Variants in TLE1 observed in about 807,000 individuals in gnomAD.
TLE1 encodes the protein transducin-like enhancer protein 1.
A neutral mutation model predicts 89.8 loss-of-function variants in TLE1; 21 were observed. The observed-to-expected ratio is 0.23, with a 90% CI of 0.17 to 0.34. The LOEUF is 0.34. Among genes scored for constraint, TLE1 ranks in the 10% least tolerant of loss-of-function variants. The pLI, the probability that TLE1 is intolerant of heterozygous loss-of-function variation, is 1.00. For synonymous variants in TLE1, 447 were observed against 407.6 expected (o/e 1.10, Z -1.16); for missense variants, 795 against 1,031.2 (o/e 0.77, Z 3.14).
chr9:81,651,893 AG>A (rs532092834), intron 6 of TLE1, among the ~76,000 whole-genome samples: 151 of 152,220 alleles, frequency 9.9e-4, no homozygotes, highest in African/African-American at 3.6e-3. Context: ...CTAAGGCAGG[AG>A]GATCACTTGA....
chr9:81,626,000 C>T (rs1483439324), intron 8 of TLE1, among the ~76,000 whole-genome samples: 1 of 149,528 alleles, frequency 6.7e-6, no homozygotes, highest in Admixed American at 6.7e-5. Context: ...TTCATGAATC[C>T]TAAGACCTCC....
intron 4 of TLE1, among the ~76,000 whole-genome samples, chr9:81,663,370 C>G (rs1831060241): frequency 6.6e-6 from 1 of 152,134 alleles, no homozygotes; most frequent in African/African-American, 2.4e-5. Context: ...TATTCCCTGT[C>G]TAGTTCTTTC....
rs947759234 is a variant in TLE1 at position 81,628,345 on chromosome 9, G to A, written c.594+5003C>T. Among the ~76,000 whole-genome samples, 4 of 152,226 alleles carry A rather than the reference G, an allele frequency of 2.6e-5. No individual in the cohort carries two copies. The South Asian group carries it at 8.3e-4, about 32-fold the overall frequency. ...CCTGTGTAGCCAGAATTCCACTAAAGTCTGCCTTTGTACAAAACTCATGTT... is the reference window on the plus strand; with the variant it reads ...CCTGTGTAGCCAGAATTCCACTAAAATCTGCCTTTGTACAAAACTCATGTT... On this transcript the variant is annotated intron_variant, in intron 8 of 19. Coordinates refer to ENST00000376499, the MANE Select transcript of TLE1 (RefSeq NM_005077.5).
chr9:81,674,388 G>C (rs1832625492), intron 4 of TLE1, among the ~76,000 whole-genome samples: 1 of 152,152 alleles, frequency 6.6e-6, no homozygotes, highest in Admixed American at 6.5e-5. Context: ...CTATGCTCCT[G>C]AGGAGCAACC....
In TLE1 at chr9:81,652,172, G is replaced by A. The variant is rs770663932; in HGVS notation, c.372+42C>T. 2.5e-6 allele frequency: 4 copies of A among 1,578,660 alleles called. No homozygotes were observed. In the African/African-American group the frequency reaches 5.5e-5, roughly 22 times the overall value. On this transcript the variant is annotated intron_variant, in intron 6 of 19. Coordinates refer to ENST00000376499, the MANE Select transcript of TLE1 (RefSeq NM_005077.5). The stretch of plus-strand genomic sequence containing the variant: ...ATCAAATTAATAAGAAATGAAAGCT[G>A]GTTATACACACTGTAGGAGGTAGAC...
intron 8 of TLE1, chr9:81,620,984 A>C: frequency 2.2e-6 from 1 of 446,646 alleles, no homozygotes. Context: ...CACTCTAAAA[A>C]GGCACAAAGG....
At chr9:81,664,856 G>A (rs73647845) in intron 4 of TLE1, among the ~76,000 whole-genome samples, 2,956 of 152,270 alleles carry the variant, frequency 0.019, 110 homozygotes, top group African/African-American at 0.067. Flanking sequence ...GTTCCTGTTG[G>A]AGTCTAGGCC....
intron 4 of TLE1, 64 bp downstream of exon 4, chr9:81,685,612 G>A (rs1264522051): frequency 1.9e-6 from 3 of 1,551,346 alleles, no homozygotes; most frequent in East Asian, 2.2e-5. Context: ...TGAGAACAAA[G>A]CCAGTATTAT....
chr9:81,614,130 G>C (rs549590857), intron 11 of TLE1, among the ~76,000 whole-genome samples: 92 of 151,966 alleles, frequency 6.1e-4, no homozygotes, highest in Non-Finnish European at 1.3e-4. Context: ...GGATGGTCTC[G>C]ATCTCCTGAC....
chr9:81,647,112 A>G (rs1274768410), intron 6 of TLE1, among the ~76,000 whole-genome samples: 1 of 152,112 alleles, frequency 6.6e-6, no homozygotes, highest in Non-Finnish European at 1.5e-5. Context: ...AGGCATTACT[A>G]TGGGTAACTG....
intron 6 of TLE1, among the ~76,000 whole-genome samples, chr9:81,645,837 G>GCA (rs1283958200): frequency 3.3e-5 from 5 of 152,178 alleles, no homozygotes; most frequent in Non-Finnish European, 7.4e-5. Flanking sequence ...CTGCATGCCT[G>GCA]CATCAAAACA....
chr9:81,590,623 A>G (rs1469834954), intron 16 of TLE1, among the ~76,000 whole-genome samples, 182 bp downstream of exon 16: 2 of 152,240 alleles, frequency 1.3e-5, no homozygotes, highest in Non-Finnish European at 2.9e-5. Flanking sequence ...AGGCATAGTA[A>G]TAAGACTGTA....
At chr9:81,659,387 A>G (rs1183852647) in intron 4 of TLE1, among the ~76,000 whole-genome samples, 1 of 152,164 alleles carries the variant, frequency 6.6e-6, no homozygotes, top group African/African-American at 2.4e-5. Flanking sequence ...ATGAATACCT[A>G]TTTGGTACCC....
chr9:81,644,947 T>C (rs1024361552), intron 6 of TLE1, among the ~76,000 whole-genome samples: 1 of 131,550 alleles, frequency 7.6e-6, no homozygotes, highest in African/African-American at 3.0e-5. Flanking sequence ...TGAGCCGATA[T>C]CGCACCACTG....
At chr9:81,679,424 G>T (rs1833324679) in intron 4 of TLE1, among the ~76,000 whole-genome samples, 2 of 151,640 alleles carry the variant, frequency 1.3e-5, no homozygotes, top group South Asian at 4.2e-4. Context: ...CAGGTGAATG[G>T]CAATACATGA....
At chr9:81,644,992 C>A (rs1313377623) in intron 6 of TLE1, among the ~76,000 whole-genome samples, 1 of 94,088 alleles carries the variant, frequency 1.1e-5, no homozygotes, top group African/African-American at 4.5e-5. Flanking sequence ...TAGAGTGAGA[C>A]ACTGTCTCAA....
intron 17 of TLE1, 96 bp from the exon 18 acceptor site, chr9:81,585,751 G>A (rs1828316333): frequency 2.7e-6 from 4 of 1,469,768 alleles, no homozygotes; most frequent in Non-Finnish European, 2.8e-6. Context: ...AAGAATGGGG[G>A]GAAGTAATCA....
intron 8 of TLE1, among the ~76,000 whole-genome samples, chr9:81,625,706 C>T (rs1247216443): frequency 6.6e-6 from 1 of 152,060 alleles, no homozygotes; most frequent in African/African-American, 2.4e-5. Context: ...ATTACTTTAT[C>T]CTGACCATTC....
chr9:81,616,127 G>C lies in TLE1; in HGVS notation c.773C>G (p.Ser258Cys), dbSNP rs151221865. ...GTGGGCAGGGCTTGCTCGCGGAGAA[G>C]AAGGGTCCTCAACAAGCATAATCAA... Reference protein sequence around the residue: ...LVVDVSNEDPSSPRASPAHSP... With the variant: ...LVVDVSNEDPCSPRASPAHSP... The change falls in exon 11 of 20, where the codon TCT becomes TGT. Residue 258 changes from serine (S) to cysteine (C), a missense_variant. Coordinates refer to ENST00000376499, the MANE Select transcript of TLE1 (RefSeq NM_005077.5). The C allele has an allele frequency of 4.3e-6, 7 of 1,610,284 alleles. No individual in the cohort carries two copies.
Sources: gnomAD v4.1 joint callset for allele counts (sites outside exome capture counted in the v4.1 genomes callset) on GRCh38, gnomAD v4.1.1 for gene constraint, MANE v1.5 for transcripts, NCBI Gene and HGNC (gene_info 2026-07-23, HGNC 2026-07-21) for gene names.